SGPP2: variants seen among roughly 807,000 people sequenced by gnomAD.
SGPP2 encodes the protein sphingosine-1-phosphate phosphatase 2.
A neutral mutation model predicts 33.9 loss-of-function variants in SGPP2; 30 were observed. The ratio of observed to expected loss-of-function variants is 0.89; its 90% confidence interval spans 0.66 to 1.20. The LOEUF (loss-of-function observed/expected upper bound fraction) is 1.20, where lower values mean the gene tolerates loss of function less well. Ranked by LOEUF, SGPP2 falls within the 50% of genes most tolerant of loss-of-function variation. The pLI is 0.00. For missense variants in SGPP2, 458 were observed against 532.1 expected, an observed-to-expected ratio of 0.86 and a Z score of 1.37; for synonymous variants, 233 against 225.0, an observed-to-expected ratio of 1.04 and a Z score of -0.32.
rs890011081 is a variant in SGPP2, at chr2:222,487,650, C to T, written c.378+12924C>T. Among the ~76,000 whole-genome samples the T allele has an allele frequency of 1.9e-4, 29 of 152,064 alleles. 1 individual carries two copies. Among genetic ancestry groups the T allele is most frequent in the Admixed American group, 1.7e-3 (26 of 15,260 alleles). ...AAAGAAGAGACCTGGAGTGAGCAAA[C>T]GAGACATGGGGTTTTATTAGGGGCT... On this transcript the variant is annotated intron_variant, in intron 2 of 4. Coordinates refer to ENST00000321276, the MANE Select transcript of SGPP2 (RefSeq NM_152386.4).
chr2:222,535,453 A>G (rs1698900628), intron 4 of SGPP2, among the ~76,000 whole-genome samples: 1 of 151,896 alleles, frequency 6.6e-6, no homozygotes, highest in African/African-American at 2.4e-5. Context: ...CGCTGCTGGA[A>G]GGGCTGGAAG....
At chr2:222,517,164 G>C (rs754890514) in intron 2 of SGPP2, among the ~76,000 whole-genome samples, 3 of 152,132 alleles carry the variant, frequency 2.0e-5, no homozygotes, top group Non-Finnish European at 4.4e-5. Context: ...GGAAATACTG[G>C]GTAGAAGAGG....
Position 222,558,386 on chromosome 2 carries a change from G to A in SGPP2, c.688G>A (p.Val230Ile), listed in dbSNP as rs765983230. 1.2e-5 allele frequency: 19 copies of A among 1,613,920 alleles called. No individual in the cohort carries two copies. Among genetic ancestry groups the A allele is most frequent in the East Asian group, 6.7e-5 (3 of 44,882 alleles). Reference protein sequence around the residue: ...GGVLITALLIVLTYPAWTFID... With the variant: ...GGVLITALLIILTYPAWTFID... ...CGTCCTGATCACCGCACTCCTCATC[G>A]TCCTCACCTACCCTGCCTGGACCTT... is the stretch of plus-strand genomic sequence containing the variant. The change falls in exon 5 of 5, where the codon GTC becomes ATC. Residue 230 changes from valine to isoleucine, a missense_variant. Physicochemically the swap from Val to Ile is conservative, Grantham distance 29. Transcript: ENST00000321276.
At chr2:222,505,282 T>A (rs974161604) in intron 2 of SGPP2, among the ~76,000 whole-genome samples, 25 of 152,302 alleles carry the variant, frequency 1.6e-4, no homozygotes, top group Middle Eastern at 3.4e-3. Context: ...AGTGGATATA[T>A]GTAACTGCAT....
At chr2:222,439,982 C>G (rs374135857) in intron 1 of SGPP2, among the ~76,000 whole-genome samples, 10 of 152,288 alleles carry the variant, frequency 6.6e-5, no homozygotes, top group African/African-American at 2.4e-4. Context: ...GTATATGGGA[C>G]AACTCTCTAC....
At position 222,477,074 on chromosome 2, in the gene SGPP2, G is replaced by A. The variant is rs1229621966; in HGVS notation, c.378+2348G>A. ...AGGTGTGTATATATGTGTGTTTATA[G>A]ATATGTATATATTTGTGAATGTATG... On this transcript the variant is annotated intron_variant, in intron 2 of 4. Transcript: ENST00000321276. The surrounding 1 kb of genome is among the most constrained non-coding windows in gnomAD (Gnocchi z 6.0). 7.1e-6 allele frequency among the ~76,000 whole-genome samples: 1 copy of A among 141,696 alleles called. No individual in the cohort carries two copies. The highest frequency in any genetic ancestry group is 1.5e-5 in the Non-Finnish European group (1 of 66,894). The allele number at this position is 141,696 out of a possible 152,430, so 93.0% of individuals were successfully genotyped here.
At chr2:222,490,988 A>G (rs889783411) in intron 2 of SGPP2, among the ~76,000 whole-genome samples, 1 of 152,320 alleles carries the variant, frequency 6.6e-6, no homozygotes, top group African/African-American at 2.4e-5. Context: ...TCTGTAAAAC[A>G]TGTAAAAGAA....
chr2:222,489,031 A>T (rs1698157753), intron 2 of SGPP2, among the ~76,000 whole-genome samples: 1 of 152,244 alleles, frequency 6.6e-6, no homozygotes, highest in South Asian at 2.1e-4. Flanking sequence ...TGCGAGCAGC[A>T]GTAAGCTTGC....
At position 222,552,715 on chromosome 2, in the gene SGPP2, C is replaced by T. The variant is rs746342266; in HGVS notation, c.649-5632C>T. 4.9e-4 allele frequency among the ~76,000 whole-genome samples: 75 copies of T among 152,178 alleles called. 1 individual carries two copies. The highest frequency in any genetic ancestry group is 8.2e-4 in the Non-Finnish European group (56 of 68,014). On this transcript the variant is annotated intron_variant, in intron 4 of 4. Transcript: ENST00000321276. ...GTCTCTACTAAAAATACAAAATTAG[C>T]TGGGCATGGTGGTGCATGCCTGAAA...
chr2:222,559,560 C>G lies in SGPP2; in HGVS notation c.*662C>G, dbSNP rs1265695089. On this transcript the variant is annotated 3_prime_UTR_variant, in exon 5 of 5. Transcript: ENST00000321276. ...CACTGCAAACTCTGCCTCCCGGGCT[C>G]AAGCAATCCTCCTGCCTGAGCCAAC... The G allele has an allele frequency of 1.3e-5, 2 of 152,690 alleles. No individual in the cohort carries two copies. Among genetic ancestry groups the G allele is most frequent in the Admixed American group, 6.5e-5 (1 of 15,296 alleles). The allele number at this position is 152,690 out of a possible 1,614,324, so 9.5% of individuals were successfully genotyped here.
chr2:222,518,491 G>A (rs1449608229), intron 2 of SGPP2, among the ~76,000 whole-genome samples: 1 of 152,204 alleles, frequency 6.6e-6, no homozygotes, highest in Non-Finnish European at 1.5e-5. Flanking sequence ...AGTTATGCCT[G>A]TGATATTTTG....
chr2:222,541,199 G>C (rs548007138), intron 4 of SGPP2, among the ~76,000 whole-genome samples: 1 of 152,146 alleles, frequency 6.6e-6, no homozygotes, highest in African/African-American at 2.4e-5. Flanking sequence ...GCCCACTTTC[G>C]TGTTTCTAAA....
At chr2:222,444,262 C>T (rs2106069594) in intron 1 of SGPP2, among the ~76,000 whole-genome samples, 1 of 152,284 alleles carries the variant, frequency 6.6e-6, no homozygotes, top group South Asian at 2.1e-4. Flanking sequence ...TAAATTGTTG[C>T]ATTGCAGCAT....
chr2:222,448,409 C>T (rs936556300), intron 1 of SGPP2, among the ~76,000 whole-genome samples: 1 of 152,192 alleles, frequency 6.6e-6, no homozygotes, highest in Non-Finnish European at 1.5e-5. Context: ...TTGAAAAGAG[C>T]ACAGGCTCTG....
chr2:222,442,632 AC>A (rs1474177763), intron 1 of SGPP2, among the ~76,000 whole-genome samples: 6 of 152,208 alleles, frequency 3.9e-5, no homozygotes, highest in Non-Finnish European at 8.8e-5. Flanking sequence ...CATATAAAAT[AC>A]CTAGTCCCCT....
chr2:222,501,915 T>G (rs920127675), intron 2 of SGPP2, among the ~76,000 whole-genome samples: 2 of 152,198 alleles, frequency 1.3e-5, no homozygotes, highest in African/African-American at 4.8e-5. Context: ...TAAAAACATT[T>G]GTTTTTATGA....
At chr2:222,446,192 G>A (rs1452417608) in intron 1 of SGPP2, among the ~76,000 whole-genome samples, 2 of 152,088 alleles carry the variant, frequency 1.3e-5, no homozygotes, top group African/African-American at 2.4e-5. Context: ...AGCTGAGTAC[G>A]GTATAGGTAG....
At chr2:222,507,959 A>T (rs1234380339) in intron 2 of SGPP2, among the ~76,000 whole-genome samples, 1 of 152,138 alleles carries the variant, frequency 6.6e-6, no homozygotes, top group African/African-American at 2.4e-5. Context: ...AAGGAGGGTG[A>T]GCTTATGCAT....
chr2:222,470,790 T>G (rs1056181502), intron 1 of SGPP2, among the ~76,000 whole-genome samples: 25 of 152,338 alleles, frequency 1.6e-4, no homozygotes, highest in African/African-American at 6.0e-4. Flanking sequence ...ATCTGGTAGC[T>G]GATGGGCTAA....
Sources: allele counts gnomAD v4.1 joint callset (sites outside exome capture counted in the v4.1 genomes callset), GRCh38; gene constraint gnomAD v4.1.1; non-coding constraint Gnocchi (gnomAD v3.1); transcripts MANE v1.5; gene names NCBI Gene and HGNC (gene_info 2026-07-23, HGNC 2026-07-21).